Variants in SLC45A4 observed in about 807,000 individuals in gnomAD.
SLC45A4 encodes solute carrier family 45 member 4.
In SLC45A4, 32 loss-of-function variants were observed where a neutral mutation model predicts 63.7. That is an observed-to-expected ratio of 0.50 (90% CI 0.38 to 0.67). The LOEUF is 0.67. Among genes scored for constraint, SLC45A4 ranks in the 30% least tolerant of loss-of-function variants. The pLI, the probability that SLC45A4 is intolerant of heterozygous loss-of-function variation, is 0.00. For synonymous variants in SLC45A4, 535 were observed against 510.0 expected, an observed-to-expected ratio of 1.05 and a Z score of -0.66; for missense variants, 1,027 against 1,157.7, an observed-to-expected ratio of 0.89 and a Z score of 1.64.
At chr8:141,289,327 C>T (rs1188725220) in intron 1 of SLC45A4, among the ~76,000 whole-genome samples, 2 of 152,184 alleles carry the variant, frequency 1.3e-5, no homozygotes, top group Admixed American at 1.3e-4. Flanking sequence ...CTACACTGAT[C>T]AAAAACCTAA....
At chr8:141,286,985 T>G (rs1278556370) in intron 1 of SLC45A4, among the ~76,000 whole-genome samples, 1 of 152,220 alleles carries the variant, frequency 6.6e-6, no homozygotes, top group East Asian at 1.9e-4. Flanking sequence ...AGTATTTTTA[T>G]CACCAAATCC....
chr8:141,300,334 T>A (rs1043754309), intron 1 of SLC45A4, among the ~76,000 whole-genome samples: 1 of 152,246 alleles, frequency 6.6e-6, no homozygotes, highest in East Asian at 1.9e-4. Flanking sequence ...CTCAGCGTGC[T>A]GTTTCTGAGT....
chr8:141,280,283 T>C (rs565976472), intron 1 of SLC45A4, among the ~76,000 whole-genome samples: 1 of 152,060 alleles, frequency 6.6e-6, no homozygotes, highest in East Asian at 1.9e-4. Context: ...TGCGACTCTG[T>C]CTCCTGGATC....
chr8:141,287,866 C>T (rs1830208354), intron 1 of SLC45A4, among the ~76,000 whole-genome samples: 1 of 152,138 alleles, frequency 6.6e-6, no homozygotes, highest in Admixed American at 6.5e-5. Context: ...ACAGGAGGGC[C>T]CGGGCCAGGG....
chr8:141,252,240 T>TAAACG (rs1215879423), intron 2 of SLC45A4: 1 of 152,110 alleles, frequency 6.6e-6, no homozygotes, highest in East Asian at 1.9e-4. Context: ...TCTGACAAAA[T>TAAACG]TTTTAGGGCC....
In SLC45A4 at chr8:141,256,615, T is replaced by A; in HGVS notation, c.-400-1986A>T. 1 of 456,264 alleles carries A rather than the reference T, an allele frequency of 2.2e-6. No homozygotes were observed. Among genetic ancestry groups the A allele is most frequent in the Non-Finnish European group, 4.4e-6 (1 of 226,962 alleles). The allele number at this position is 456,264 out of a possible 1,614,324, so 28.3% of individuals were successfully genotyped here. ...TTACGTCCCAGCTCTTCCCTACATC[T>A]TCTTTCACGCTGCAGCGGAAACCAG... On this transcript the variant is annotated intron_variant, in intron 1 of 8. Transcript: ENST00000517878. This position sits in a 1 kb window ranked among gnomAD's most constrained non-coding sequence, Gnocchi z 4.3.
chr8:141,305,894 AGTG>A (rs1022976763), intron 1 of SLC45A4, among the ~76,000 whole-genome samples: 4 of 120,462 alleles, frequency 3.3e-5, no homozygotes, highest in African/African-American at 1.1e-4. Flanking sequence ...CCATCGGGAA[AGTG>A]GGGAGCTGCC....
intron 2 of SLC45A4, among the ~76,000 whole-genome samples, chr8:141,253,515 C>G (rs956375857): frequency 6.6e-6 from 1 of 152,224 alleles, no homozygotes; most frequent in Non-Finnish European, 1.5e-5. Context: ...TCTAAGCACA[C>G]CTGGGACCCT....
chr8:141,227,246 C>T lies in SLC45A4; in HGVS notation c.242-5481G>A, dbSNP rs1045306097. On this transcript the variant is annotated intron_variant, in intron 2 of 8. Transcript: ENST00000517878. The surrounding 1 kb of genome is among the most constrained non-coding windows in gnomAD (Gnocchi z 4.4). ...GCTGTGTGAGGTCACGGGCGACGCT[C>T]GGGTCACGTGTGGCGGCTCCTGTTC... 1.3e-5 allele frequency among the ~76,000 whole-genome samples: 2 copies of T among 152,046 alleles called. No individual in the cohort carries two copies. The highest frequency in any genetic ancestry group is 2.1e-4 in the South Asian group (1 of 4,822).
intron 2 of SLC45A4, chr8:141,228,512 C>T (rs1225784332): frequency 7.6e-7 from 1 of 1,317,288 alleles, no homozygotes; most frequent in Admixed American, 3.2e-5. Flanking sequence ...CCTGTCTTCA[C>T]TGGCCAGCTC....
rs979023830 is a variant in SLC45A4, at chr8:141,264,563, G to A, written c.-400-9934C>T. On this transcript the variant is annotated intron_variant, in intron 1 of 8. Transcript: ENST00000517878. ...AGCACGTGAACTTTTGATTCGCTCT[G>A]GGAAAAAAGTCTTTGTTGGTATTTT... 2.0e-5 allele frequency among the ~76,000 whole-genome samples: 3 copies of A among 152,078 alleles called. No homozygotes were observed. The East Asian group carries it at 5.8e-4, about 29-fold the overall frequency.
intron 2 of SLC45A4, chr8:141,226,097 C>T (rs35298614): frequency 0.12 from 19,022 of 152,396 alleles, 1,534 homozygotes; most frequent in East Asian, 0.18. Context: ...AAGCCTTGGA[C>T]CGTTCCTCAT....
chr8:141,292,887 C>T (rs1370717663), intron 1 of SLC45A4: 11 of 152,246 alleles, frequency 7.2e-5, no homozygotes, highest in Admixed American at 7.2e-4. Flanking sequence ...AAGACTAGAA[C>T]CATCAGCCTT....
At chr8:141,238,631 G>A (rs1251847470) in intron 2 of SLC45A4, among the ~76,000 whole-genome samples, 1 of 152,068 alleles carries the variant, frequency 6.6e-6, no homozygotes, top group Non-Finnish European at 1.5e-5. Flanking sequence ...TCTCCCCCTG[G>A]CCCCTGGAGG....
intron 1 of SLC45A4, among the ~76,000 whole-genome samples, chr8:141,285,866 G>A (rs7819263): frequency 0.59 from 89,272 of 152,118 alleles, 26,446 homozygotes; most frequent in Middle Eastern, 0.63. Context: ...CATGGTCCCA[G>A]TAGGGCACCC....
intron 1 of SLC45A4, among the ~76,000 whole-genome samples, chr8:141,300,403 G>T (rs1337567409): frequency 6.6e-6 from 1 of 152,220 alleles, no homozygotes; most frequent in Non-Finnish European, 1.5e-5. Flanking sequence ...AATTTCATTA[G>T]GTCTAAAGGC....
rs996344731 is a variant in SLC45A4, at chr8:141,278,942, C to T, written c.-400-24313G>A. 6.6e-6 allele frequency among the ~76,000 whole-genome samples: 1 copy of T among 152,238 alleles called. No individual in the cohort carries two copies. The highest frequency in any genetic ancestry group is 1.5e-5 in the Non-Finnish European group (1 of 68,038). On this transcript the variant is annotated intron_variant, in intron 1 of 8. Coordinates refer to ENST00000517878, the MANE Select transcript of SLC45A4 (RefSeq NM_001286646.2). The surrounding 1 kb of genome is among the most constrained non-coding windows in gnomAD (Gnocchi z 4.1). ...AGCACACCTCAGCCTGCTCTGTCCC[C>T]TTCAAGGCCAGACAAGCAAAGCCCC... is the stretch of plus-strand genomic sequence containing the variant.
chr8:141,227,714 G>A lies in SLC45A4; in HGVS notation c.242-5949C>T, dbSNP rs980922302. Among the ~76,000 whole-genome samples, 2 of 152,202 alleles carry A rather than the reference G, an allele frequency of 1.3e-5. No individual in the cohort carries two copies. The highest frequency in any genetic ancestry group is 2.9e-5 in the Non-Finnish European group (2 of 68,032). ...GCTGGCGAGGGCCCCACAGCTGCAA[G>A]GAATGTTCCAGAACCACTACAGCCA... On this transcript the variant is annotated intron_variant, in intron 2 of 8. Coordinates refer to ENST00000517878, the MANE Select transcript of SLC45A4 (RefSeq NM_001286646.2). The surrounding 1 kb of genome is among the most constrained non-coding windows in gnomAD (Gnocchi z 4.4).
At chr8:141,252,062 A>G (rs887111847) in intron 2 of SLC45A4, among the ~76,000 whole-genome samples, 3 of 148,678 alleles carry the variant, frequency 2.0e-5, no homozygotes, top group Non-Finnish European at 4.4e-5. Context: ...CCCTAAAACA[A>G]CCAAAATAAG....
Sources: allele counts gnomAD v4.1 joint callset (sites outside exome capture counted in the v4.1 genomes callset), GRCh38; gene constraint gnomAD v4.1.1; non-coding constraint Gnocchi (gnomAD v3.1); transcripts MANE v1.5; gene names NCBI Gene and HGNC (gene_info 2026-07-23, HGNC 2026-07-21).